The following CAPN8 variants were observed in gnomAD, a reference collection of about 807,000 sequenced individuals.
CAPN8 encodes the protein calpain-8.
CAPN8 carries 87 observed loss-of-function variants against 80.9 expected under a neutral mutation model. The ratio of observed to expected loss-of-function variants is 1.07; its 90% CI spans 0.90 to 1.28. The LOEUF (loss-of-function observed/expected upper bound fraction) is 1.28. CAPN8 is among the 50% of genes most tolerant of loss of function. The probability of loss-of-function intolerance (pLI) is 0.00; values close to 1 mark genes in which losing one functional copy is unlikely to be tolerated. For missense variants in CAPN8, 757 were observed against 702.0 expected, an observed-to-expected ratio of 1.08 and a Z score of -0.89; for synonymous variants, 299 against 273.8, an observed-to-expected ratio of 1.09 and a Z score of -0.91.
chr1:223,652,231 G>C (rs1208880314), intron 2 of CAPN8, among the ~76,000 whole-genome samples: 1 of 152,082 alleles, frequency 6.6e-6, no homozygotes, highest in African/African-American at 2.4e-5. Flanking sequence ...TGTCTCAGCT[G>C]CTCAGGAGGT....
chr1:223,660,297 C>T (rs182108730), intron 1 of CAPN8, among the ~76,000 whole-genome samples: 1 of 152,172 alleles, frequency 6.6e-6, no homozygotes, highest in Non-Finnish European at 1.5e-5. Context: ...TCATGCTGGG[C>T]ATTCCTCAAA....
chr1:223,619,848 A>G (rs1415198701), intron 8 of CAPN8, among the ~76,000 whole-genome samples: 1 of 152,212 alleles, frequency 6.6e-6, no homozygotes, highest in Non-Finnish European at 1.5e-5. Context: ...TATCCTTATT[A>G]TCTTCCTTAG....
intron 2 of CAPN8, among the ~76,000 whole-genome samples, chr1:223,629,197 AGTGTGTGTGTGTGT>A (rs113967295): frequency 2.1e-5 from 2 of 95,240 alleles, no homozygotes; most frequent in African/African-American, 3.6e-5. Flanking sequence ...TACGTGTAAG[AGTGTGTGTGTGTGT>A]GTGTGTGTGT....
chr1:223,654,510 T>C (rs1658425945), intron 1 of CAPN8, 111 bp from the exon 2 acceptor site: 2 of 900,536 alleles, frequency 2.2e-6, no homozygotes, highest in African/African-American at 1.7e-5. Context: ...AACCCAGGAT[T>C]GTCTACTGCC....
intron 5 of CAPN8, among the ~76,000 whole-genome samples, chr1:223,626,386 C>T (rs1158488251): frequency 6.6e-6 from 1 of 152,072 alleles, no homozygotes; most frequent in Admixed American, 6.5e-5. Flanking sequence ...CTCACTTTGT[C>T]GTTCACATTT....
chr1:223,611,452 A>G (rs1657028226), intron 11 of CAPN8, among the ~76,000 whole-genome samples: 1 of 152,210 alleles, frequency 6.6e-6, no homozygotes, highest in Non-Finnish European at 1.5e-5. Flanking sequence ...TTTGCATATA[A>G]TTAAAAGTTG....
At chr1:223,657,402 G>A (rs536798664) in intron 1 of CAPN8, among the ~76,000 whole-genome samples, 23 of 152,174 alleles carry the variant, frequency 1.5e-4, no homozygotes, top group African/African-American at 5.1e-4. Context: ...ATGTTGTGTC[G>A]TCAAGAGGAA....
rs763112597 is a variant in CAPN8 at position 223,543,310 on chromosome 1, G to C, written c.2030-144C>G. The C allele has an allele frequency of 4.8e-4, 444 of 930,662 alleles. 6 individuals are homozygous for C. Among genetic ancestry groups the C allele is most frequent in the Non-Finnish European group, 9.9e-5 (63 of 636,154 alleles). The allele number at this position is 930,662 out of a possible 1,614,324, so 57.7% of individuals were successfully genotyped here. Reference sequence around the variant, plus strand: ...CCCCTCCCCTCCAGCCCCCACCTAGGCCCAGGGGCCTCAAAAAGCTAGATC... The same window carrying C: ...CCCCTCCCCTCCAGCCCCCACCTAGCCCCAGGGGCCTCAAAAAGCTAGATC... On this transcript the variant is annotated intron_variant, in intron 19 of 20. Transcript: ENST00000366872.
chr1:223,631,046 C>G (rs1312143441), intron 2 of CAPN8, among the ~76,000 whole-genome samples: 1 of 152,168 alleles, frequency 6.6e-6, no homozygotes, highest in Non-Finnish European at 1.5e-5. Flanking sequence ...ATGACTCCAA[C>G]CTACTTCTCC....
intron 16 of CAPN8, among the ~76,000 whole-genome samples, chr1:223,548,325 C>T (rs1656684689): frequency 6.6e-6 from 1 of 152,226 alleles, no homozygotes; most frequent in South Asian, 2.1e-4. Context: ...ACACCACTCA[C>T]CCTCTGTGCC....
intron 7 of CAPN8, among the ~76,000 whole-genome samples, chr1:223,621,425 G>T (rs1043035151): frequency 2.0e-5 from 3 of 152,018 alleles, no homozygotes; most frequent in Non-Finnish European, 4.4e-5. Flanking sequence ...CCAGGGAGCG[G>T]GTGCTCAGGG....
chr1:223,654,038 C>T (rs570633641), intron 2 of CAPN8, among the ~76,000 whole-genome samples: 186 of 152,306 alleles, frequency 1.2e-3, no homozygotes, highest in African/African-American at 4.3e-3. Flanking sequence ...GCACAGATAT[C>T]TACTCTACGC....
At chr1:223,632,454 CCTTGA>C (rs944744723) in intron 2 of CAPN8, among the ~76,000 whole-genome samples, 2 of 152,146 alleles carry the variant, frequency 1.3e-5, no homozygotes, top group Non-Finnish European at 2.9e-5. Context: ...CTCACTGCAG[CCTTGA>C]CCTCCTGGGC....
chr1:223,622,666 T>G, intron 7 of CAPN8, 149 bp downstream of exon 7: 1 of 661,098 alleles, frequency 1.5e-6, no homozygotes. Flanking sequence ...CCTGGATCCA[T>G]TTAATACTCT....
chr1:223,648,336 G>C (rs574583683), intron 2 of CAPN8, among the ~76,000 whole-genome samples: 8 of 152,344 alleles, frequency 5.3e-5, no homozygotes, highest in African/African-American at 1.9e-4. Flanking sequence ...TCGGAGGCCT[G>C]ACCCTGTGCT....
chr1:223,620,538 C>T (rs1292635482), intron 7 of CAPN8, among the ~76,000 whole-genome samples: 1 of 152,152 alleles, frequency 6.6e-6, no homozygotes, highest in East Asian at 1.9e-4. Flanking sequence ...AATTTTTACT[C>T]TCTAGGGCAA....
In CAPN8 at chr1:223,616,145, G is replaced by T; in HGVS notation, c.1136C>A (p.Ala379Asp). The T allele has an allele frequency of 6.5e-7, 1 of 1,544,642 alleles. No homozygotes were observed. Among genetic ancestry groups the T allele is most frequent in the Non-Finnish European group, 8.8e-7 (1 of 1,141,360 alleles). The stretch of plus-strand genomic sequence containing the variant: ...GAACTGGGGATTGGTCCAGTACGTG[G>T]CTGGAAGTCACCCAGGTGATGGTGG... ...STAGGCQNYP[A>D]TYWTNPQFKI... Residue 379 changes from alanine to aspartate, a missense_variant and splice_region_variant, in exon 10 of 21, where the codon GCC (alanine) becomes GAC (aspartate). Physicochemically the swap from Ala to Asp is moderately radical, Grantham distance 126 (BLOSUM62 -2). Transcript: ENST00000366872.
intron 7 of CAPN8, among the ~76,000 whole-genome samples, chr1:223,621,971 A>T (rs545962702): frequency 2.4e-4 from 37 of 151,994 alleles, no homozygotes; most frequent in African/African-American, 8.7e-4. Context: ...ATTTCCAGCT[A>T]ATTTTTGTAC....
At chr1:223,635,354 C>T (rs927679869) in intron 2 of CAPN8, among the ~76,000 whole-genome samples, 1 of 152,178 alleles carries the variant, frequency 6.6e-6, no homozygotes, top group Non-Finnish European at 1.5e-5. Flanking sequence ...CACACACATA[C>T]ACACACTGAT....
Sources: gnomAD v4.1 joint callset for allele counts (sites outside exome capture counted in the v4.1 genomes callset) on GRCh38, gnomAD v4.1.1 for gene constraint, MANE v1.5 for transcripts, NCBI Gene and HGNC (gene_info 2026-07-23, HGNC 2026-07-21) for gene names.